TRAPPC9: variants seen among roughly 807,000 people sequenced by gnomAD.
TRAPPC9 encodes IKK2 binding protein.
TRAPPC9 carries 83 observed loss-of-function variants against 124.0 expected under a neutral mutation model. The observed-to-expected ratio is 0.67, with a 90% confidence interval of 0.56 to 0.80. The LOEUF (loss-of-function observed/expected upper bound fraction) is 0.80, where lower values mean the gene tolerates loss of function less well. Ranked by LOEUF, TRAPPC9 falls within the 30% of genes least tolerant of loss-of-function variation. TRAPPC9 has a pLI of 0.00. For synonymous variants in TRAPPC9, 638 were observed against 617.5 expected, an observed-to-expected ratio of 1.03 and a Z score of -0.49; for missense variants, 1,302 against 1,508.3, an observed-to-expected ratio of 0.86 and a Z score of 2.27.
At chr8:139,990,207 G>A (rs1837535306) in intron 18 of TRAPPC9, among the ~76,000 whole-genome samples, 1 of 152,164 alleles carries the variant, frequency 6.6e-6, no homozygotes, top group Non-Finnish European at 1.5e-5. Context: ...AATCGCCTGT[G>A]ACTTCATGAC....
intron 17 of TRAPPC9, among the ~76,000 whole-genome samples, chr8:140,033,657 GGTTTTTTTTTTTTTTT>G (rs1840648440): frequency 2.0e-5 from 1 of 49,264 alleles, no homozygotes; most frequent in African/African-American, 4.2e-5. Context: ...TTCATAATGT[GGTTTTTTTTTTTTTTT>G]TTTTTTTTTT....
chr8:140,305,056 G>A (rs1204658835), intron 10 of TRAPPC9, among the ~76,000 whole-genome samples: 1 of 152,224 alleles, frequency 6.6e-6, no homozygotes, highest in Non-Finnish European at 1.5e-5. Context: ...ATCCACTAGA[G>A]AGGTTTCCCA....
chr8:140,079,593 C>A (rs566716377), intron 17 of TRAPPC9, among the ~76,000 whole-genome samples: 58 of 152,158 alleles, frequency 3.8e-4, no homozygotes, highest in Non-Finnish European at 7.9e-4. Flanking sequence ...CACTTTATAA[C>A]TACAGTGGCA....
chr8:140,382,440 C>T (rs2068635885), intron 7 of TRAPPC9, among the ~76,000 whole-genome samples: 1 of 152,240 alleles, frequency 6.6e-6, no homozygotes, highest in Non-Finnish European at 1.5e-5. Flanking sequence ...CACTCCCACC[C>T]TAACACTGTG....
intron 21 of TRAPPC9, among the ~76,000 whole-genome samples, chr8:139,851,377 A>G (rs1029547040): frequency 2.0e-5 from 3 of 152,184 alleles, no homozygotes; most frequent in Non-Finnish European, 4.4e-5. Context: ...CAAAAGATAG[A>G]TGCTGACCAC....
chr8:140,321,066 G>C (rs1425300949), intron 9 of TRAPPC9, among the ~76,000 whole-genome samples: 3 of 152,252 alleles, frequency 2.0e-5, no homozygotes. Context: ...TGGAGGACTT[G>C]CAAGATTCCA....
chr8:139,965,665 A>C (rs1426524872), intron 19 of TRAPPC9, among the ~76,000 whole-genome samples: 2 of 152,236 alleles, frequency 1.3e-5, no homozygotes, highest in Non-Finnish European at 2.9e-5. Context: ...ATTCACATTC[A>C]CCAACCAAAC....
At chr8:140,033,585 A>G (rs1333980575) in intron 17 of TRAPPC9, among the ~76,000 whole-genome samples, 2 of 151,552 alleles carry the variant, frequency 1.3e-5, no homozygotes, top group Non-Finnish European at 2.9e-5. Flanking sequence ...AAATCTCCAA[A>G]AAGTTAGAAT....
rs762361732 is a variant in TRAPPC9 at position 140,335,150 on chromosome 8, G to A, written c.1496-23776C>T. Reference sequence around the variant, plus strand: ...GACTTTACTAGATAGACAAAGGGTAGACACTGCAGATTCTTAAGGAAGAGA... The same window carrying A: ...GACTTTACTAGATAGACAAAGGGTAAACACTGCAGATTCTTAAGGAAGAGA... On this transcript the variant is annotated intron_variant, in intron 9 of 22. Transcript: ENST00000438773. 2.0e-4 allele frequency among the ~76,000 whole-genome samples: 31 copies of A among 152,248 alleles called. 1 individual carries two copies. The highest frequency in any genetic ancestry group is 2.1e-4 in the South Asian group (1 of 4,832).
intron 9 of TRAPPC9, among the ~76,000 whole-genome samples, chr8:140,358,573 G>C (rs905976671): frequency 6.6e-6 from 1 of 152,256 alleles, no homozygotes; most frequent in Non-Finnish European, 1.5e-5. Context: ...CCTGGAGCCA[G>C]AGCCTGCTCA....
chr8:140,195,322 T>C (rs1254924485), intron 17 of TRAPPC9, among the ~76,000 whole-genome samples: 1 of 151,740 alleles, frequency 6.6e-6, no homozygotes, highest in East Asian at 1.9e-4. Context: ...ATCGTACAGA[T>C]CACACCTGTA....
chr8:140,150,772 C>T (rs1241916239), intron 17 of TRAPPC9, among the ~76,000 whole-genome samples: 3 of 152,116 alleles, frequency 2.0e-5, no homozygotes, highest in Non-Finnish European at 2.9e-5. Context: ...GTCCGGGGAC[C>T]CAGAGGCAAG....
At chr8:140,154,330 A>G (rs934110265) in intron 17 of TRAPPC9, among the ~76,000 whole-genome samples, 1 of 152,016 alleles carries the variant, frequency 6.6e-6, no homozygotes, top group Non-Finnish European at 1.5e-5. Flanking sequence ...CTTTATTCCA[A>G]GTTATCACCA....
At chr8:140,444,687 C>G (rs1057459207) in intron 2 of TRAPPC9, among the ~76,000 whole-genome samples, 1 of 151,372 alleles carries the variant, frequency 6.6e-6, no homozygotes, top group Non-Finnish European at 1.5e-5. Context: ...ATGGTGAGAC[C>G]CCCCCCATCT....
At chr8:140,349,437 G>C (rs1218573743) in intron 9 of TRAPPC9, among the ~76,000 whole-genome samples, 1 of 150,148 alleles carries the variant, frequency 6.7e-6, no homozygotes, top group Non-Finnish European at 1.5e-5. Flanking sequence ...GCCGATGGGG[G>C]CGCGCGAGGG....
At chr8:140,320,324 T>C (rs2066559561) in intron 9 of TRAPPC9, among the ~76,000 whole-genome samples, 1 of 152,232 alleles carries the variant, frequency 6.6e-6, no homozygotes, top group African/African-American at 2.4e-5. Context: ...AAGATGGAGC[T>C]GACGCATCTT....
intron 17 of TRAPPC9, among the ~76,000 whole-genome samples, chr8:140,076,963 T>A (rs1262605859): frequency 1.3e-5 from 2 of 151,904 alleles, no homozygotes; most frequent in Non-Finnish European, 2.9e-5. Context: ...CACAGGAGTT[T>A]AAGACCAGCC....
chr8:139,936,325 T>C (rs942949909), intron 19 of TRAPPC9, among the ~76,000 whole-genome samples: 1 of 152,232 alleles, frequency 6.6e-6, no homozygotes, highest in Non-Finnish European at 1.5e-5. Flanking sequence ...ATTCATAACA[T>C]GCATGCTGAG....
At position 140,380,304 on chromosome 8, in the gene TRAPPC9, G is replaced by A. The variant is rs1386980676; in HGVS notation, c.1135-9124C>T. On this transcript the variant is annotated intron_variant, in intron 7 of 22. Coordinates refer to ENST00000438773, the MANE Select transcript of TRAPPC9 (RefSeq NM_001160372.4). ...AATTTTCCACAAGAGTGCCAATGGG[G>A]AAAGAATTGTCTTTACAACAAATGC... Among the ~76,000 whole-genome samples, 14 of 152,322 alleles carry A rather than the reference G, an allele frequency of 9.2e-5. No individual in the cohort carries two copies. The Middle Eastern group carries it at 0.01, about 112-fold the overall frequency.
Sources: allele counts gnomAD v4.1 joint callset (sites outside exome capture counted in the v4.1 genomes callset), GRCh38; gene constraint gnomAD v4.1.1; transcripts MANE v1.5; gene names NCBI Gene and HGNC (gene_info 2026-07-23, HGNC 2026-07-21).